Variants in PYROXD2 observed in about 807,000 individuals in gnomAD.
The protein encoded by PYROXD2 is pyridine nucleotide-disulfide oxidoreductase domain-containing protein 2.
In PYROXD2, 69 loss-of-function variants were observed where a neutral mutation model predicts 71.1. The observed-to-expected ratio is 0.97, with a 90% CI of 0.80 to 1.19. The LOEUF is 1.19. Among genes scored for constraint, PYROXD2 ranks in the 50% most tolerant of loss-of-function variants. The pLI is 0.00. For synonymous variants in PYROXD2, 287 were observed against 302.7 expected (o/e 0.95, Z 0.54); for missense variants, 745 against 748.9 (o/e 0.99, Z 0.06).
chr10:98,413,570 C>T (rs553937446), intron 1 of PYROXD2, among the ~76,000 whole-genome samples: 1 of 151,956 alleles, frequency 6.6e-6, no homozygotes, highest in African/African-American at 2.4e-5. Context: ...AAAAATTAGC[C>T]GGGCGTGGTG....
intron 1 of PYROXD2, 61 bp downstream of exon 1, chr10:98,414,948 G>A (rs574708969): frequency 5.7e-6 from 9 of 1,568,656 alleles, no homozygotes; most frequent in African/African-American, 2.7e-5. Context: ...TCCCCACCAA[G>A]CTCTGAGCAG....
At chr10:98,395,537 G>T in intron 6 of PYROXD2, 85 bp from the exon 7 acceptor site, 1 of 1,235,868 alleles carries the variant, frequency 8.1e-7, no homozygotes, top group South Asian at 1.2e-5. Flanking sequence ...AAGCATGGAG[G>T]ATGCTGAGAC....
chr10:98,395,723 A>G (rs1415048035), intron 6 of PYROXD2, among the ~76,000 whole-genome samples: 1 of 152,242 alleles, frequency 6.6e-6, no homozygotes, highest in Admixed American at 6.5e-5. Flanking sequence ...GTGAGGATTA[A>G]ATGAGCTAGG....
intron 5 of PYROXD2, 24 bp from the exon 6 acceptor site, chr10:98,397,522 G>T (rs1449022399): frequency 7.0e-6 from 11 of 1,566,554 alleles, no homozygotes; most frequent in African/African-American, 4.0e-5. Context: ...CTGCATTAAG[G>T]CCCCACTGTC....
chr10:98,408,461 C>T (rs533501889), intron 2 of PYROXD2, among the ~76,000 whole-genome samples: 2 of 152,312 alleles, frequency 1.3e-5, no homozygotes, highest in Non-Finnish European at 2.9e-5. Context: ...GTACCTGATC[C>T]GTCTGGCCTC....
Position 98,395,484 on chromosome 10 carries a change from A to G in PYROXD2, c.626-32T>C, listed in dbSNP as rs780485485. 63 of 1,602,860 alleles carry G rather than the reference A, an allele frequency of 3.9e-5. No individual in the cohort carries two copies. The Admixed American group carries it at 7.0e-4, about 18-fold the overall frequency. On this transcript the variant is annotated intron_variant, in intron 6 of 15. Transcript: ENST00000370575. Reference sequence around the variant, plus strand: ...GAGAAGATCCACAAAACAGAAGTTGAAACAGGTGACAGGGAAACCCTCCGA... The same window carrying G: ...GAGAAGATCCACAAAACAGAAGTTGGAACAGGTGACAGGGAAACCCTCCGA...
At chr10:98,391,928 T>G (rs560473839) in intron 10 of PYROXD2, among the ~76,000 whole-genome samples, 1 of 152,294 alleles carries the variant, frequency 6.6e-6, no homozygotes, top group Non-Finnish European at 1.5e-5. Context: ...GCCGGCAAGC[T>G]GACCCACAGC....
At chr10:98,400,495 C>T (rs1326913500) in intron 4 of PYROXD2, among the ~76,000 whole-genome samples, 1 of 152,114 alleles carries the variant, frequency 6.6e-6, no homozygotes, top group African/African-American at 2.4e-5. Context: ...CCATACCATA[C>T]ATACCACACA....
In PYROXD2 at chr10:98,397,507, G is replaced by C. The variant is rs755564636; in HGVS notation, c.472-9C>G. The C allele has an allele frequency of 1.0e-5, 16 of 1,588,136 alleles. No individual in the cohort carries two copies. In the South Asian group the frequency reaches 1.8e-4, roughly 18 times the overall value. On this transcript the variant is annotated splice_polypyrimidine_tract_variant and intron_variant, in intron 5 of 15. Transcript: ENST00000370575. ...TCATATTTGGGAAAGACCTGGAACA[G>C]AGCTCTGCATTAAGGCCCCACTGTC... is the stretch of plus-strand genomic sequence containing the variant.
intron 1 of PYROXD2, 100 bp from the exon 2 acceptor site, chr10:98,411,058 C>A: frequency 1.3e-6 from 2 of 1,520,202 alleles, no homozygotes; most frequent in South Asian, 2.5e-5. Flanking sequence ...GTCCCCATGC[C>A]ATGAAGATCC....
At chr10:98,384,842 T>A in intron 15 of PYROXD2, 105 bp downstream of exon 15, 1 of 1,429,922 alleles carries the variant, frequency 7.0e-7, no homozygotes, top group Non-Finnish European at 9.2e-7. Flanking sequence ...CCTGCTCCCC[T>A]CCCTCTCTGC....
intron 4 of PYROXD2, among the ~76,000 whole-genome samples, chr10:98,407,102 G>T (rs1843622845): frequency 6.6e-6 from 1 of 151,986 alleles, no homozygotes; most frequent in African/African-American, 2.4e-5. Flanking sequence ...GTGGACAAAG[G>T]TCAGCAGACT....
At position 98,415,071 on chromosome 10, in the gene PYROXD2, C is replaced by T. The variant is rs753120165; in HGVS notation, c.65G>A (p.Arg22Gln). The T allele has an allele frequency of 2.0e-5, 33 of 1,613,794 alleles. No homozygotes were observed. In the Admixed American group the frequency reaches 3.0e-4, roughly 15 times the overall value. The part of the protein sequence containing the change: ...VAASPFPAWR[R>Q]DNTEARGGLK... Reference sequence around the variant, plus strand: ...ACCTCCCCTGGCTTCCGTGTTATCTCGTCTCCACGCCGGGAAGGGAGAGGC... The same window carrying T: ...ACCTCCCCTGGCTTCCGTGTTATCTTGTCTCCACGCCGGGAAGGGAGAGGC... Residue 22 changes from arginine (R) to glutamine (Q), a missense_variant, in exon 1 of 16, where the codon CGA becomes CAA. Arg to Gln is a conservative substitution (Grantham distance 43). Coordinates refer to ENST00000370575, the MANE Select transcript of PYROXD2 (RefSeq NM_032709.3).
chr10:98,400,356 T>A, intron 4 of PYROXD2, 99 bp from the exon 5 acceptor site: 2 of 1,196,552 alleles, frequency 1.7e-6, no homozygotes, highest in South Asian at 1.6e-5. Context: ...TAGGTACCTG[T>A]GTGTAGGTTC....
intron 2 of PYROXD2, among the ~76,000 whole-genome samples, chr10:98,408,735 T>G (rs1843692079): frequency 6.6e-6 from 1 of 152,220 alleles, no homozygotes; most frequent in Admixed American, 6.5e-5. Context: ...GTCATGAATC[T>G]ACCGATCTAA....
At position 98,415,155 on chromosome 10, in the gene PYROXD2, T is replaced by C. The variant is rs752513703; in HGVS notation, c.-20A>G. 6.2e-7 allele frequency: 1 copy of C among 1,609,644 alleles called. No homozygotes were observed. ...AGCCATTTCTGCCCCAGGCTGGGCC[T>C]TGCTAGGCAGGGAGTTTGCTAGCGA... On this transcript the variant is annotated 5_prime_UTR_variant, in exon 1 of 16. Transcript: ENST00000370575.
chr10:98,385,409 C>A (rs949224906), intron 14 of PYROXD2, among the ~76,000 whole-genome samples: 1 of 152,226 alleles, frequency 6.6e-6, no homozygotes, highest in East Asian at 1.9e-4. Flanking sequence ...TGCGTCTCTG[C>A]GAGAACTCCC....
rs1424917738 is a variant in PYROXD2 at position 98,388,626 on chromosome 10, C to G, written c.1293-118G>C. 5.3e-6 allele frequency: 6 copies of G among 1,132,832 alleles called. No homozygotes were observed. The African/African-American group carries it at 8.0e-5, about 15-fold the overall frequency. 70.2% of individuals were successfully genotyped at this position (1,132,832 alleles called of 1,614,324 possible). A position where few individuals can be genotyped will look rare whatever the true frequency, so the allele number is the denominator to read the frequency against. On this transcript the variant is annotated intron_variant, in intron 12 of 15. Transcript: ENST00000370575. ...GATGACACCAATTCTGGGCGATTGTCGCTCTACAGCCACAGTGGTTGTCCA... is the reference window on the plus strand; with the variant it reads ...GATGACACCAATTCTGGGCGATTGTGGCTCTACAGCCACAGTGGTTGTCCA...
At chr10:98,384,880 TC>T in intron 15 of PYROXD2, 66 bp downstream of exon 15, 1 of 1,507,600 alleles carries the variant, frequency 6.6e-7, no homozygotes. Flanking sequence ...TTCCTCCTTC[TC>T]CAAGTCTCTG....
Sources: gnomAD v4.1 joint callset for allele counts (sites outside exome capture counted in the v4.1 genomes callset) on GRCh38, gnomAD v4.1.1 for gene constraint, MANE v1.5 for transcripts, NCBI Gene and HGNC (gene_info 2026-07-23, HGNC 2026-07-21) for gene names.